Variants in SLIT1 observed in about 807,000 individuals in gnomAD.
SLIT1 encodes the protein slit guidance ligand 1, also known as slit homolog 1 protein.
Under a neutral mutation model 186.1 loss-of-function variants are expected in SLIT1, and 66 were observed. That is an observed-to-expected ratio of 0.35 (90% CI 0.29 to 0.44). SLIT1 has a LOEUF of 0.44. SLIT1 is among the 20% of genes least tolerant of loss of function. SLIT1 has a pLI of 1.00. For synonymous variants in SLIT1, 761 were observed against 833.8 expected (o/e 0.91, Z 1.50); for missense variants, 1,638 against 2,037.4 (o/e 0.80, Z 3.77).
chr10:97,180,881 A>G (rs747443571), intron 1 of SLIT1, among the ~76,000 whole-genome samples: 1 of 152,200 alleles, frequency 6.6e-6, no homozygotes, highest in Non-Finnish European at 1.5e-5. Flanking sequence ...AAATAATAAC[A>G]ATAATATCCT....
At chr10:97,094,604 T>C (rs1849266580) in intron 4 of SLIT1, among the ~76,000 whole-genome samples, 1 of 152,120 alleles carries the variant, frequency 6.6e-6, no homozygotes, top group Non-Finnish European at 1.5e-5. Context: ...GGCACCTGGG[T>C]TAAATAGTAT....
In SLIT1 at chr10:97,043,141, C is replaced by A; in HGVS notation, c.1998-74G>T. On this transcript the variant is annotated intron_variant, in intron 19 of 36. Transcript: ENST00000266058. This position sits in a 1 kb window ranked among gnomAD's most constrained non-coding sequence, Gnocchi z 7.0. Reference sequence around the variant, plus strand: ...AGGTCCCAGCAAACCCCTCCTGTACCACGGACACAGGGCCACATGGCCACA... The same window carrying A: ...AGGTCCCAGCAAACCCCTCCTGTACAACGGACACAGGGCCACATGGCCACA... The A allele has an allele frequency of 6.6e-7, 1 of 1,514,462 alleles. No individual in the cohort carries two copies. The highest frequency in any genetic ancestry group is 1.2e-5 in the South Asian group (1 of 80,802). The allele number at this position is 1,514,462 out of a possible 1,614,324, so 93.8% of individuals were successfully genotyped here.
At position 97,014,176 on chromosome 10, in the gene SLIT1, G is replaced by T; in HGVS notation, c.2970-18C>A. ...AGGAGCACCTGTGCGGGGAAGGGGAGGATGGAGAGACAGCCCTCTTGGAAC... is the reference window on the plus strand; with the variant it reads ...AGGAGCACCTGTGCGGGGAAGGGGATGATGGAGAGACAGCCCTCTTGGAAC... On this transcript the variant is annotated intron_variant, in intron 28 of 36. Transcript: ENST00000266058. 6.2e-7 allele frequency: 1 copy of T among 1,612,274 alleles called. No individual in the cohort carries two copies.
intron 4 of SLIT1, among the ~76,000 whole-genome samples, chr10:97,128,752 G>A (rs1253259946): frequency 6.6e-6 from 1 of 152,162 alleles, no homozygotes; most frequent in Non-Finnish European, 1.5e-5. Context: ...GGAAAGGAGA[G>A]GATGTGTTTG....
intron 4 of SLIT1, among the ~76,000 whole-genome samples, chr10:97,133,868 C>T (rs1849677453): frequency 6.6e-6 from 1 of 152,168 alleles, no homozygotes; most frequent in African/African-American, 2.4e-5. Context: ...CCCCCAGGTC[C>T]TGTATCCCCT....
At chr10:97,058,577 A>G (rs955423551) in intron 11 of SLIT1, among the ~76,000 whole-genome samples, 1 of 152,170 alleles carries the variant, frequency 6.6e-6, no homozygotes, top group Admixed American at 6.5e-5. Flanking sequence ...GGTGCCATTC[A>G]TAATTGGCCC....
chr10:97,166,440 C>T (rs553630815), intron 1 of SLIT1, among the ~76,000 whole-genome samples: 4 of 150,716 alleles, frequency 2.7e-5, no homozygotes, highest in South Asian at 4.2e-4. Flanking sequence ...TGCTTGAACC[C>T]GGGAGGTGGA....
intron 4 of SLIT1, among the ~76,000 whole-genome samples, chr10:97,089,065 A>G (rs1849199956): frequency 6.6e-6 from 1 of 152,220 alleles, no homozygotes; most frequent in African/African-American, 2.4e-5. Context: ...CAATGGCTGA[A>G]GCCCTGCAGG....
chr10:97,084,284 G>A (rs944309771), intron 4 of SLIT1, among the ~76,000 whole-genome samples: 1 of 152,192 alleles, frequency 6.6e-6, no homozygotes, highest in Non-Finnish European at 1.5e-5. Context: ...CTCCCCCAGG[G>A]AAGGGTTGGT....
chr10:97,031,268 C>T (rs1848588420), intron 24 of SLIT1, among the ~76,000 whole-genome samples: 2 of 152,190 alleles, frequency 1.3e-5, no homozygotes, highest in East Asian at 1.9e-4. Flanking sequence ...AGTGAGAACT[C>T]ACAGAAGAGG....
intron 26 of SLIT1, among the ~76,000 whole-genome samples, 194 bp from the exon 27 acceptor site, chr10:97,019,301 A>G (rs1032304258): frequency 3.3e-5 from 5 of 152,202 alleles, no homozygotes; most frequent in African/African-American, 1.2e-4. Context: ...AATGGGGTTA[A>G]TGACAGCCCC....
intron 4 of SLIT1, chr10:97,101,957 G>C (rs572871678): frequency 6.6e-6 from 1 of 152,322 alleles, no homozygotes; most frequent in East Asian, 1.9e-4. Context: ...CCTGCCCTCA[G>C]GGTGATCCCT....
intron 4 of SLIT1, among the ~76,000 whole-genome samples, chr10:97,135,592 G>A (rs751128315): frequency 5.9e-5 from 9 of 152,292 alleles, no homozygotes; most frequent in Non-Finnish European, 7.4e-5. Flanking sequence ...CCGCTGGGCC[G>A]CCTGAGGCCT....
intron 4 of SLIT1, among the ~76,000 whole-genome samples, chr10:97,086,559 C>G (rs927068055): frequency 6.6e-6 from 1 of 152,102 alleles, no homozygotes; most frequent in East Asian, 1.9e-4. Flanking sequence ...GCCTGGGTGA[C>G]AGAGCAAGAC....
chr10:97,185,709 G>A lies in SLIT1; in HGVS notation c.-35C>T. On this transcript the variant is annotated 5_prime_UTR_variant, in exon 1 of 37. Transcript: ENST00000266058. ...ACAGCGTCCCGCTCGCGAGCCAGAC[G>A]GCAGCAGCCGCTGACCATCCCCGTC... 2 of 1,452,328 alleles carry A rather than the reference G, an allele frequency of 1.4e-6. No homozygotes were observed. The highest frequency in any genetic ancestry group is 1.4e-5 in the South Asian group (1 of 71,708). The allele number at this position is 1,452,328 out of a possible 1,614,324, so 90.0% of individuals were successfully genotyped here.
intron 1 of SLIT1, among the ~76,000 whole-genome samples, chr10:97,166,514 C>A (rs1308023251): frequency 2.2e-4 from 12 of 53,426 alleles, no homozygotes. Context: ...AAAACTCTGT[C>A]TCCAAAAAAA....
chr10:97,009,369 C>T (rs73318702), intron 31 of SLIT1, among the ~76,000 whole-genome samples: 2,760 of 152,204 alleles, frequency 0.018, 96 homozygotes, highest in African/African-American at 0.064. Flanking sequence ...GACAAGAGTG[C>T]CATGACCATT....
At chr10:97,047,582 A>C (rs1037816179) in intron 16 of SLIT1, 108 bp downstream of exon 16, 3 of 1,139,656 alleles carry the variant, frequency 2.6e-6, no homozygotes, top group Non-Finnish European at 3.8e-6. Flanking sequence ...CAGAGGCTCC[A>C]GTGGTTCAGC....
chr10:97,046,565 G>T, intron 18 of SLIT1, 89 bp downstream of exon 18: 1 of 1,341,074 alleles, frequency 7.5e-7, no homozygotes, highest in Admixed American at 2.5e-5. Context: ...GCCCAGGGGA[G>T]GGGCTCCTCC....
Sources: allele counts gnomAD v4.1 joint callset (sites outside exome capture counted in the v4.1 genomes callset), GRCh38; gene constraint gnomAD v4.1.1; non-coding constraint Gnocchi (gnomAD v3.1); transcripts MANE v1.5; gene names NCBI Gene and HGNC (gene_info 2026-07-23, HGNC 2026-07-21).